GK5: variants seen among roughly 807,000 people sequenced by gnomAD.
The protein encoded by GK5 is ATP:glycerol 3-phosphotransferase 5.
A neutral mutation model predicts 77.3 loss-of-function variants in GK5; 39 were observed. The ratio of observed to expected loss-of-function variants is 0.50; its 90% CI spans 0.39 to 0.66. GK5 has a LOEUF of 0.66. GK5 is among the 30% of genes least tolerant of loss of function. The pLI is 0.00. For synonymous variants in GK5, 211 were observed against 208.0 expected, an observed-to-expected ratio of 1.01 and a Z score of -0.13; for missense variants, 487 against 633.8, an observed-to-expected ratio of 0.77 and a Z score of 2.49.
At chr3:142,165,815 G>A (rs1004432827) in intron 15 of GK5, 45 bp from the exon 16 acceptor site, 3 of 1,364,386 alleles carry the variant, frequency 2.2e-6, no homozygotes, top group East Asian at 5.0e-5. Flanking sequence ...CAAATCATGA[G>A]TCCAATAAAG....
intron 12 of GK5, among the ~76,000 whole-genome samples, chr3:142,177,095 A>G (rs920173475): frequency 6.6e-6 from 1 of 152,190 alleles, no homozygotes; most frequent in Non-Finnish European, 1.5e-5. Flanking sequence ...TCAATGGCTT[A>G]TTTCCTCTAA....
chr3:142,205,925 C>G (rs560277761), intron 3 of GK5, among the ~76,000 whole-genome samples: 1 of 152,318 alleles, frequency 6.6e-6, no homozygotes, highest in South Asian at 2.1e-4. Flanking sequence ...CTCACCCCAT[C>G]CCTTATAGCC....
intron 5 of GK5, among the ~76,000 whole-genome samples, chr3:142,191,249 TG>T (rs1381164458): frequency 4.0e-5 from 6 of 151,892 alleles, no homozygotes; most frequent in Non-Finnish European, 8.8e-5. Flanking sequence ...AGACTGGTCT[TG>T]AACTCCTGAC....
intron 4 of GK5, among the ~76,000 whole-genome samples, chr3:142,200,930 A>C (rs1272203469): frequency 6.6e-6 from 1 of 152,246 alleles, no homozygotes; most frequent in African/African-American, 2.4e-5. Flanking sequence ...AAGTCAATAA[A>C]TAAGATGATT....
chr3:142,190,352 T>C (rs2063831668), intron 5 of GK5, among the ~76,000 whole-genome samples: 1 of 152,128 alleles, frequency 6.6e-6, no homozygotes, highest in Admixed American at 6.5e-5. Flanking sequence ...AAGTCATTAC[T>C]TACATCCTCA....
chr3:142,187,809 C>T (rs375396394), intron 5 of GK5, 30 bp from the exon 6 acceptor site: 15 of 1,545,688 alleles, frequency 9.7e-6, no homozygotes, highest in Non-Finnish European at 1.3e-5. Flanking sequence ...AAAATCGATT[C>T]AAAAAGGCTA....
chr3:142,170,476 T>C lies in GK5; in HGVS notation c.1308-18A>G. 6.3e-7 allele frequency: 1 copy of C among 1,583,282 alleles called. No homozygotes were observed. Among genetic ancestry groups the C allele is most frequent in the Non-Finnish European group, 8.6e-7 (1 of 1,159,502 alleles). ...CATCTGCCCTGTGGGGAACAAAATATGTAAGATGAATTACTACAACAAAAG... is the reference window on the plus strand; with the variant it reads ...CATCTGCCCTGTGGGGAACAAAATACGTAAGATGAATTACTACAACAAAAG... On this transcript the variant is annotated intron_variant, in intron 14 of 15. Coordinates refer to ENST00000392993, the MANE Select transcript of GK5 (RefSeq NM_001039547.3).
intron 12 of GK5, among the ~76,000 whole-genome samples, chr3:142,173,712 C>CAAAAACA (rs1553828251): frequency 7.1e-6 from 1 of 141,566 alleles, no homozygotes; most frequent in African/African-American, 2.7e-5. Context: ...AAAACAAAAA[C>CAAAAACA]AAAAAACATG....
chr3:142,168,999 C>G (rs2063504719), intron 15 of GK5, among the ~76,000 whole-genome samples: 1 of 152,172 alleles, frequency 6.6e-6, no homozygotes, highest in African/African-American at 2.4e-5. Context: ...CTCTGGGAAG[C>G]CTAGACCACT....
intron 1 of GK5, among the ~76,000 whole-genome samples, chr3:142,219,353 A>T (rs1023838435): frequency 1.3e-5 from 2 of 152,242 alleles, no homozygotes; most frequent in Non-Finnish European, 2.9e-5. Flanking sequence ...CAACAGGTGA[A>T]TGAATGTAGT....
intron 12 of GK5, chr3:142,173,191 A>G: frequency 4.6e-6 from 2 of 436,500 alleles, no homozygotes; most frequent in Non-Finnish European, 9.0e-6. Flanking sequence ...ACAGAGTGAG[A>G]CAGGGTCTAA....
chr3:142,212,957 C>T (rs2064213777), intron 3 of GK5, among the ~76,000 whole-genome samples: 1 of 151,058 alleles, frequency 6.6e-6, no homozygotes, highest in African/African-American at 2.4e-5. Context: ...GCCTCAGCCT[C>T]CCGAGTAGCT....
intron 5 of GK5, among the ~76,000 whole-genome samples, chr3:142,188,614 C>T (rs768666669): frequency 6.6e-6 from 1 of 152,256 alleles, no homozygotes; most frequent in South Asian, 2.1e-4. Context: ...TGTTTTTGTA[C>T]AGCAAATTAA....
At chr3:142,209,305 A>G (rs892499556) in intron 3 of GK5, among the ~76,000 whole-genome samples, 1 of 152,332 alleles carries the variant, frequency 6.6e-6, no homozygotes. Flanking sequence ...AATGTGCTAT[A>G]TGTTCAAATG....
At chr3:142,204,468 T>C in intron 4 of GK5, 1 of 576,710 alleles carries the variant, frequency 1.7e-6, no homozygotes, top group Non-Finnish European at 3.2e-6. Flanking sequence ...CACTAACATG[T>C]GAAACTCTGG....
chr3:142,170,635 A>G (rs980784601), intron 14 of GK5, among the ~76,000 whole-genome samples, 177 bp from the exon 15 acceptor site: 1 of 152,196 alleles, frequency 6.6e-6, no homozygotes, highest in Non-Finnish European at 1.5e-5. Flanking sequence ...GGTAATCTTT[A>G]AACATTTTCC....
At chr3:142,176,898 T>A (rs1354354584) in intron 12 of GK5, among the ~76,000 whole-genome samples, 1 of 152,090 alleles carries the variant, frequency 6.6e-6, no homozygotes, top group Non-Finnish European at 1.5e-5. Flanking sequence ...CCTGACCTTG[T>A]GATCCACCCG....
intron 3 of GK5, 41 bp from the exon 4 acceptor site, chr3:142,204,829 C>A: frequency 2.7e-6 from 3 of 1,103,974 alleles, no homozygotes; most frequent in South Asian, 2.8e-5. Flanking sequence ...CAGCATAAAT[C>A]AGAGACTATG....
chr3:142,165,556 T>C lies in GK5; in HGVS notation c.*66A>G. 1 of 1,232,124 alleles carries C rather than the reference T, an allele frequency of 8.1e-7. No homozygotes were observed. Among genetic ancestry groups the C allele is most frequent in the Non-Finnish European group, 1.1e-6 (1 of 894,348 alleles). The allele number at this position is 1,232,124 out of a possible 1,614,324, so 76.3% of individuals were successfully genotyped here. A position where few individuals can be genotyped will look rare whatever the true frequency, so the allele number is the denominator to read the frequency against. On this transcript the variant is annotated 3_prime_UTR_variant, in exon 16 of 16. Coordinates refer to ENST00000392993, the MANE Select transcript of GK5 (RefSeq NM_001039547.3). The stretch of plus-strand genomic sequence containing the variant: ...TAGTCATTGTCATATGGGTTATCCC[T>C]GAGCTTCATCTCATCTGCACGTCAC...
Sources: gnomAD v4.1 joint callset for allele counts (sites outside exome capture counted in the v4.1 genomes callset) on GRCh38, gnomAD v4.1.1 for gene constraint, MANE v1.5 for transcripts, NCBI Gene and HGNC (gene_info 2026-07-23, HGNC 2026-07-21) for gene names.